Variants in BRWD1 observed in about 807,000 individuals in gnomAD.
BRWD1 encodes bromodomain and WD repeat-containing protein 1.
Under a neutral mutation model 251.2 loss-of-function variants are expected in BRWD1, and 82 were observed. That is an observed-to-expected ratio of 0.33 (90% CI 0.27 to 0.39). The LOEUF (loss-of-function observed/expected upper bound fraction) is 0.39. Ranked by LOEUF, BRWD1 falls within the 10% of genes least tolerant of loss-of-function variation. BRWD1 has a pLI of 1.00. For missense variants in BRWD1, 2,233 were observed against 2,711.6 expected (o/e 0.82, Z 3.92); for synonymous variants, 918 against 902.8 (o/e 1.02, Z -0.30).
chr21:39,275,790 T>C (rs2035261640), intron 12 of BRWD1, among the ~76,000 whole-genome samples: 1 of 152,080 alleles, frequency 6.6e-6, no homozygotes, highest in East Asian at 1.9e-4. Context: ...CCCAGCACTT[T>C]AGGAGGGCGA....
intron 23 of BRWD1, 150 bp from the exon 24 acceptor site, chr21:39,232,648 G>A (rs547591666): frequency 1.3e-5 from 11 of 824,054 alleles, no homozygotes; most frequent in Non-Finnish European, 1.8e-5. Flanking sequence ...TATATATTTA[G>A]TTCCTTTACA....
intron 4 of BRWD1, among the ~76,000 whole-genome samples, chr21:39,300,139 A>G (rs1372021262): frequency 8.5e-5 from 13 of 152,166 alleles, no homozygotes; most frequent in Admixed American, 8.5e-4. Context: ...TTAGAATCCT[A>G]AGGCGCCTCA....
At chr21:39,249,029 G>A (rs2034302961) in intron 20 of BRWD1, among the ~76,000 whole-genome samples, 6 of 151,036 alleles carry the variant, frequency 4.0e-5, no homozygotes. Flanking sequence ...ATACTACCCA[G>A]CCATAAAAAA....
At chr21:39,246,156 C>T (rs925252747) in intron 21 of BRWD1, among the ~76,000 whole-genome samples, 3 of 152,060 alleles carry the variant, frequency 2.0e-5, no homozygotes, top group African/African-American at 7.2e-5. Context: ...AGTAATATAT[C>T]TACAAGTCAT....
chr21:39,194,736 G>A lies in BRWD1; in HGVS notation c.*1523C>T, dbSNP rs2031722683. On this transcript the variant is annotated 3_prime_UTR_variant, in exon 41 of 41. Transcript: ENST00000342449. ...TTGTCTGCCACTTCAAAGATACACA[G>A]GAGAAAAGGTTTTGTCTGAAACCAA... is the stretch of plus-strand genomic sequence containing the variant. 1.3e-6 allele frequency: 2 copies of A among 1,535,148 alleles called. No individual in the cohort carries two copies. The highest frequency in any genetic ancestry group is 1.7e-6 in the Non-Finnish European group (2 of 1,146,078).
intron 8 of BRWD1, among the ~76,000 whole-genome samples, chr21:39,291,646 A>G (rs892916470): frequency 6.6e-6 from 1 of 152,166 alleles, no homozygotes; most frequent in Non-Finnish European, 1.5e-5. Context: ...CTATCCGCCC[A>G]TATGTGCACA....
At chr21:39,274,799 T>G (rs2035228244) in intron 12 of BRWD1, among the ~76,000 whole-genome samples, 1 of 152,204 alleles carries the variant, frequency 6.6e-6, no homozygotes, top group Non-Finnish European at 1.5e-5. Flanking sequence ...CCCAGCACTT[T>G]GGGAGGCCAA....
Position 39,199,506 on chromosome 21 carries a change from G to T in BRWD1, c.4910C>A (p.Ala1637Asp), listed in dbSNP as rs760561398. Reference protein sequence around the residue: ...KVLRKCAAVAANKIKLMSDVE... With the variant: ...KVLRKCAAVADNKIKLMSDVE... The stretch of plus-strand genomic sequence containing the variant: ...ATCACTCATTAGCTTTATTTTATTG[G>T]CAGCCACAGCAGCACACTTCCTTAA... Residue 1637 changes from alanine to aspartate, a missense_variant, in exon 40 of 41, where the codon GCC becomes GAC. Physicochemically the swap from Ala to Asp is moderately radical, Grantham distance 126 (BLOSUM62 -2). Coordinates refer to ENST00000342449, the MANE Select transcript of BRWD1 (RefSeq NM_033656.4). 6.2e-7 allele frequency: 1 copy of T among 1,614,048 alleles called. No individual in the cohort carries two copies. The highest frequency in any genetic ancestry group is 8.5e-7 in the Non-Finnish European group (1 of 1,180,032).
upstream of BRWD1, chr21:39,314,298 C>T (rs1299180742): frequency 1.3e-5 from 6 of 455,858 alleles, no homozygotes; most frequent in African/African-American, 8.0e-5. Context: ...CAGCCACATC[C>T]CCCACAAGCC....
Position 39,187,819 on chromosome 21 carries a change from CAG to C in BRWD1, c.*8438_*8439del, listed in dbSNP as rs1001674641. On this transcript the variant is annotated 3_prime_UTR_variant, in exon 41 of 41. Transcript: ENST00000342449. ...CAGATTAAAATTCTAAAAAATAACA[CAG>C]AGTTGCTTTAAGGAACCAAAAAGTG... 1 of 985,116 alleles carries C rather than the reference CAG, an allele frequency of 1.0e-6. No homozygotes were observed. The highest frequency in any genetic ancestry group is 6.2e-5 in the Admixed American group (1 of 16,246). The allele number at this position is 985,116 out of a possible 1,614,324, so 61.0% of individuals were successfully genotyped here. A position where few individuals can be genotyped will look rare whatever the true frequency, so the allele number is the denominator to read the frequency against.
intron 8 of BRWD1, among the ~76,000 whole-genome samples, chr21:39,291,143 T>C (rs1378552149): frequency 1.3e-5 from 2 of 152,180 alleles, no homozygotes; most frequent in Non-Finnish European, 2.9e-5. Context: ...ATCTCAGTTA[T>C]AACTATCTTC....
At chr21:39,246,551 T>C (rs2034195898) in intron 21 of BRWD1, among the ~76,000 whole-genome samples, 1 of 152,172 alleles carries the variant, frequency 6.6e-6, no homozygotes, top group Non-Finnish European at 1.5e-5. Context: ...AACAAAAACC[T>C]GTCATGAATG....
intron 18 of BRWD1, among the ~76,000 whole-genome samples, chr21:39,257,327 G>T (rs2034592244): frequency 1.3e-5 from 2 of 151,938 alleles, no homozygotes; most frequent in South Asian, 4.1e-4. Context: ...CTCTTGCCAT[G>T]ACAGACTGAG....
chr21:39,251,549 A>G (rs1188930151), intron 19 of BRWD1, among the ~76,000 whole-genome samples: 1 of 152,240 alleles, frequency 6.6e-6, no homozygotes, highest in Non-Finnish European at 1.5e-5. Flanking sequence ...GTTCCAAGGT[A>G]TAACTAGACA....
chr21:39,218,219 A>T lies in BRWD1; in HGVS notation c.3592T>A (p.Cys1198Ser). 1 of 1,612,862 alleles carries T rather than the reference A, an allele frequency of 6.2e-7. No homozygotes were observed. Among genetic ancestry groups the T allele is most frequent in the Non-Finnish European group, 8.5e-7 (1 of 1,179,634 alleles). The change falls in exon 31 of 41, where the codon TGT becomes AGT. Residue 1198 changes from cysteine (C) to serine (S), a missense_variant. This residue lies in a region of BRWD1 where 167 missense variants were observed against 183.2 expected (regional missense o/e 0.91). Transcript: ENST00000342449. ...TCGGTTGGATAAGCTACTACAGTAC[A>T]GTACTTCGGGTATGTACACAAATCA... The part of the protein sequence containing the change: ...PVDLCTYPKY[C>S]TVVAYPTDLY...
intron 8 of BRWD1, among the ~76,000 whole-genome samples, chr21:39,289,764 C>G (rs930714113): frequency 6.6e-6 from 1 of 152,018 alleles, no homozygotes; most frequent in African/African-American, 2.4e-5. Context: ...GTGGCTCACG[C>G]CTGTAATCCC....
chr21:39,293,492 C>CAA (rs1036672544), intron 8 of BRWD1, among the ~76,000 whole-genome samples: 2,092 of 103,968 alleles, frequency 0.02, 51 homozygotes, highest in African/African-American at 0.071. Flanking sequence ...GACTCAGTCT[C>CAA]AAAAAAAAAA....
At chr21:39,221,761 T>G (rs1275026059) in intron 29 of BRWD1, among the ~76,000 whole-genome samples, 1 of 151,776 alleles carries the variant, frequency 6.6e-6, no homozygotes, top group East Asian at 1.9e-4. Flanking sequence ...CATGGCAAAA[T>G]AGCTGGGTGG....
intron 7 of BRWD1, among the ~76,000 whole-genome samples, 179 bp downstream of exon 7, chr21:39,295,562 GCA>G (rs1009227389): frequency 2.6e-5 from 4 of 152,104 alleles, no homozygotes; most frequent in African/African-American, 9.7e-5. Context: ...TTTCAAAACA[GCA>G]CAGAGTCCTA....
Sources: gnomAD v4.1 joint callset for allele counts (sites outside exome capture counted in the v4.1 genomes callset) on GRCh38, gnomAD v4.1.1 for gene constraint, gnomAD v4.1.1 regional missense constraint, MANE v1.5 for transcripts, NCBI Gene and HGNC (gene_info 2026-07-23, HGNC 2026-07-21) for gene names.